The following PIK3CB variants were observed in gnomAD, a reference collection of about 807,000 sequenced individuals.
The protein encoded by PIK3CB is phosphatidylinositol-4,5-bisphosphate 3-kinase catalytic subunit beta, also known as phosphatidylinositol 4,5-bisphosphate 3-kinase catalytic subunit beta isoform.
In PIK3CB, 39 loss-of-function variants were observed where a neutral mutation model predicts 136.8. That is an observed-to-expected ratio of 0.29 (90% CI 0.22 to 0.37). The LOEUF (loss-of-function observed/expected upper bound fraction) is 0.37, where lower values mean the gene tolerates loss of function less well. PIK3CB is among the 10% of genes least tolerant of loss of function. The pLI is 1.00. For missense variants in PIK3CB, 868 were observed against 1,275.4 expected (o/e 0.68, Z 4.87); for synonymous variants, 428 against 436.6 (o/e 0.98, Z 0.25).
At chr3:138,817,939 G>T (rs1216394795) in intron 1 of PIK3CB, among the ~76,000 whole-genome samples, 1 of 152,114 alleles carries the variant, frequency 6.6e-6, no homozygotes, top group East Asian at 1.9e-4. Flanking sequence ...CTTGGCAACA[G>T]AATGAGATCC....
intron 19 of PIK3CB, among the ~76,000 whole-genome samples, chr3:138,667,561 A>T (rs946834568): frequency 2.6e-5 from 4 of 151,256 alleles, no homozygotes; most frequent in Non-Finnish European, 4.4e-5. Flanking sequence ...TTTTTATTTT[A>T]TTTATTTATT....
At chr3:138,742,018 T>A (rs995697964) in intron 5 of PIK3CB, among the ~76,000 whole-genome samples, 1 of 152,164 alleles carries the variant, frequency 6.6e-6, no homozygotes, top group Non-Finnish European at 1.5e-5. Flanking sequence ...TTAATTCACA[T>A]AGTCACAGAA....
At chr3:138,810,632 T>A (rs1932988538) in intron 1 of PIK3CB, among the ~76,000 whole-genome samples, 1 of 151,350 alleles carries the variant, frequency 6.6e-6, no homozygotes, top group African/African-American at 2.4e-5. Flanking sequence ...AAACAAGAAA[T>A]GTTGGGCCGG....
intron 8 of PIK3CB, among the ~76,000 whole-genome samples, chr3:138,722,266 G>C (rs1194546289): frequency 1.3e-5 from 2 of 148,268 alleles, no homozygotes; most frequent in African/African-American, 5.0e-5. Flanking sequence ...ACGTGTGTAG[G>C]CTCACCTCAA....
intron 17 of PIK3CB, 103 bp from the exon 18 acceptor site, chr3:138,683,890 T>G: frequency 1.5e-6 from 1 of 679,820 alleles, no homozygotes; most frequent in Non-Finnish European, 2.6e-6. Flanking sequence ...CACCTATTCC[T>G]GTCAGGTCTG....
intron 19 of PIK3CB, among the ~76,000 whole-genome samples, chr3:138,677,372 G>A (rs1424891617): frequency 6.6e-6 from 1 of 152,082 alleles, no homozygotes; most frequent in Non-Finnish European, 1.5e-5. Context: ...TCAAGATTGA[G>A]GGTAATATAA....
At chr3:138,781,976 C>G (rs2045928640) in intron 2 of PIK3CB, among the ~76,000 whole-genome samples, 1 of 152,202 alleles carries the variant, frequency 6.6e-6, no homozygotes. Flanking sequence ...GGTTACAAAA[C>G]TATCAAGACA....
intron 2 of PIK3CB, among the ~76,000 whole-genome samples, chr3:138,795,816 C>G (rs946826445): frequency 2.0e-5 from 3 of 152,120 alleles, no homozygotes; most frequent in Non-Finnish European, 4.4e-5. Context: ...ACTCTTCACT[C>G]CACTGCAACC....
intron 1 of PIK3CB, among the ~76,000 whole-genome samples, chr3:138,798,620 T>C (rs1244576104): frequency 6.6e-6 from 1 of 152,182 alleles, no homozygotes; most frequent in Admixed American, 6.6e-5. Context: ...GACTTTCCAC[T>C]TGTTTTTGTA....
intron 2 of PIK3CB, among the ~76,000 whole-genome samples, chr3:138,775,881 A>T (rs1035643071): frequency 2.0e-5 from 3 of 150,362 alleles, no homozygotes; most frequent in African/African-American, 7.5e-5. Flanking sequence ...AAAACCCTCA[A>T]ATATAGCATT....
intron 8 of PIK3CB, among the ~76,000 whole-genome samples, chr3:138,725,832 T>C (rs1323858893): frequency 6.6e-6 from 1 of 152,248 alleles, no homozygotes; most frequent in Non-Finnish European, 1.5e-5. Flanking sequence ...ATCTCGTCAC[T>C]GACGTCTATT....
intron 1 of PIK3CB, among the ~76,000 whole-genome samples, chr3:138,829,856 T>C (rs1933944247): frequency 6.6e-6 from 1 of 152,080 alleles, no homozygotes; most frequent in South Asian, 2.1e-4. Flanking sequence ...GCGAACCCAT[T>C]ACATTGAAAG....
At chr3:138,688,169 A>T (rs1369218471) in intron 16 of PIK3CB, among the ~76,000 whole-genome samples, 1 of 152,178 alleles carries the variant, frequency 6.6e-6, no homozygotes, top group Non-Finnish European at 1.5e-5. Flanking sequence ...TGAATTAGAA[A>T]AGAGTAGTTT....
At chr3:138,715,026 G>C (rs1408449511) in intron 8 of PIK3CB, among the ~76,000 whole-genome samples, 1 of 152,088 alleles carries the variant, frequency 6.6e-6, no homozygotes, top group East Asian at 1.9e-4. Context: ...GGTTTAAACA[G>C]GTCTAAAGAA....
intron 11 of PIK3CB, 119 bp downstream of exon 11, chr3:138,707,040 C>A: frequency 1.3e-6 from 1 of 747,980 alleles, no homozygotes. Context: ...TCTTCCCACT[C>A]AACAAAGCTG....
chr3:138,814,013 A>T (rs1933190109), intron 1 of PIK3CB, among the ~76,000 whole-genome samples: 1 of 152,178 alleles, frequency 6.6e-6, no homozygotes, highest in Non-Finnish European at 1.5e-5. Flanking sequence ...CTCAATGTGG[A>T]TACTATACTA....
intron 6 of PIK3CB, among the ~76,000 whole-genome samples, chr3:138,736,393 C>T (rs542904400): frequency 3.9e-4 from 59 of 152,314 alleles, no homozygotes; most frequent in African/African-American, 1.3e-3. Flanking sequence ...TTCTCAAACA[C>T]ATATTACTTT....
intron 4 of PIK3CB, among the ~76,000 whole-genome samples, chr3:138,750,054 C>T (rs565823441): frequency 1.1e-3 from 160 of 152,020 alleles, no homozygotes; most frequent in Non-Finnish European, 2.1e-3. Context: ...ATTTTTTGTA[C>T]TTTTTGTAGA....
intron 2 of PIK3CB, among the ~76,000 whole-genome samples, chr3:138,765,741 C>T (rs2045724906): frequency 6.6e-6 from 1 of 151,554 alleles, no homozygotes; most frequent in South Asian, 2.1e-4. Flanking sequence ...GTAGTCCCAT[C>T]TACCTGGAAG....
Sources: allele counts gnomAD v4.1 joint callset (sites outside exome capture counted in the v4.1 genomes callset), GRCh38; gene constraint gnomAD v4.1.1; transcripts MANE v1.5; gene names NCBI Gene and HGNC (gene_info 2026-07-23, HGNC 2026-07-21).